The following TUBGCP5 variants were observed in gnomAD, a reference collection of about 807,000 sequenced individuals.
TUBGCP5 encodes tubulin gamma complex component 5.
In TUBGCP5, 98 loss-of-function variants were observed where a neutral mutation model predicts 134.7. That is an observed-to-expected ratio of 0.73 (90% CI 0.62 to 0.86). TUBGCP5 has a LOEUF of 0.86. Ranked by LOEUF, TUBGCP5 falls within the 40% of genes least tolerant of loss-of-function variation. The pLI, the probability that TUBGCP5 is intolerant of heterozygous loss-of-function variation, is 0.00. For synonymous variants in TUBGCP5, 456 were observed against 431.4 expected (o/e 1.06, Z -0.71); for missense variants, 1,150 against 1,244.8 (o/e 0.92, Z 1.15).
intron 1 of TUBGCP5, 107 bp downstream of exon 1, chr15:23,039,291 C>T: frequency 8.4e-7 from 1 of 1,191,470 alleles, no homozygotes; most frequent in Non-Finnish European, 1.1e-6. Flanking sequence ...CCGCGCCCGC[C>T]TCCGCCCCAT....
intron 3 of TUBGCP5, among the ~76,000 whole-genome samples, chr15:23,035,730 G>A (rs964093043): frequency 6.6e-6 from 1 of 152,056 alleles, no homozygotes; most frequent in African/African-American, 2.4e-5. Context: ...ACACATCCAA[G>A]ATGCCACACA....
At chr15:23,003,737 C>T in intron 20 of TUBGCP5, among the ~76,000 whole-genome samples, 1 of 148,094 alleles carries the variant, frequency 6.8e-6, no homozygotes, top group East Asian at 2.0e-4. Flanking sequence ...ACTGCAGCCT[C>T]AAACTCCTGG....
chr15:23,031,857 G>A, intron 5 of TUBGCP5, 93 bp downstream of exon 5: 2 of 871,746 alleles, frequency 2.3e-6, no homozygotes, highest in Middle Eastern at 2.3e-4. Context: ...TCCTGTTTTA[G>A]CTAAGTTGAC....
rs1434693740 is a variant in TUBGCP5 at position 23,037,914 on chromosome 15, G to A, written c.147-762C>T. Among the ~76,000 whole-genome samples the A allele has an allele frequency of 2.6e-5, 4 of 152,116 alleles. No homozygotes were observed. The East Asian group carries it at 7.7e-4, about 29-fold the overall frequency. On this transcript the variant is annotated intron_variant, in intron 1 of 22. Transcript: ENST00000615383. ...CAAGTAGCTGGGACTACAGGCGCCT[G>A]CCACCACGCCCGGCTAATTTTTTGT... is the stretch of plus-strand genomic sequence containing the variant.
At chr15:23,019,498 A>T in intron 11 of TUBGCP5, 164 bp from the exon 12 acceptor site, 1 of 597,384 alleles carries the variant, frequency 1.7e-6, no homozygotes, top group East Asian at 2.8e-5. Context: ...TAAAATCCTT[A>T]TGAAAAACTC....
chr15:23,026,147 T>C lies in TUBGCP5; in HGVS notation c.796A>G (p.Thr266Ala), dbSNP rs1341048385. ...LYVPDDRVLV[T>A]ETQVIRETLW... ...GTTTCCCGAATAACCTGAGTCTCAG[T>C]AACCAAAACCCTGTCATCTGGAACA... is the stretch of plus-strand genomic sequence containing the variant. Residue 266 changes from threonine to alanine, a missense_variant, in exon 8 of 23, where the codon ACT (threonine) becomes GCT (alanine). Physicochemically the swap from Thr to Ala is moderately conservative, Grantham distance 58. Coordinates refer to ENST00000615383, the MANE Select transcript of TUBGCP5 (RefSeq NM_052903.6). The C allele has an allele frequency of 1.2e-6, 2 of 1,610,526 alleles. No homozygotes were observed. The highest frequency in any genetic ancestry group is 1.7e-6 in the Non-Finnish European group (2 of 1,179,182).
At chr15:22,988,957 A>T (rs2063769065) in intron 23 of TUBGCP5, among the ~76,000 whole-genome samples, 1 of 151,744 alleles carries the variant, frequency 6.6e-6, no homozygotes, top group Admixed American at 6.6e-5. Flanking sequence ...GGCCACTCAC[A>T]TTCCCGGATC....
rs554814880 is a variant in TUBGCP5, at chr15:22,999,266, T to C, written c.*554A>G. On this transcript the variant is annotated 3_prime_UTR_variant, in exon 23 of 23. Transcript: ENST00000615383. ...TAAAGGTATCAGTACCATAAATCTG[T>C]ATCTTACAGTAGGAAATGTAAGAGT... The C allele has an allele frequency of 6.6e-6, 1 of 152,638 alleles. No homozygotes were observed. The highest frequency in any genetic ancestry group is 1.5e-5 in the Non-Finnish European group (1 of 68,216). The allele number at this position is 152,638 out of a possible 1,614,324, so 9.5% of individuals were successfully genotyped here.
intron 21 of TUBGCP5, 128 bp from the exon 22 acceptor site, chr15:23,000,797 T>C: frequency 1.4e-6 from 1 of 701,354 alleles, no homozygotes; most frequent in Non-Finnish European, 2.2e-6. Flanking sequence ...CTAAAGATTA[T>C]AAAATAAAAC....
At chr15:23,003,018 A>G (rs774696266) in intron 21 of TUBGCP5, 47 bp downstream of exon 21, 1 of 1,590,894 alleles carries the variant, frequency 6.3e-7, no homozygotes, top group East Asian at 2.2e-5. Flanking sequence ...AGGGAAGCTG[A>G]AGCTGAAATG....
intron 3 of TUBGCP5, 116 bp downstream of exon 3, chr15:23,036,781 G>A (rs930904780): frequency 2.3e-5 from 17 of 744,116 alleles, no homozygotes; most frequent in South Asian, 8.1e-5. Context: ...AAGAGATCCC[G>A]TTAGCCAGTA....
chr15:23,010,654 T>C (rs983699260), intron 14 of TUBGCP5, among the ~76,000 whole-genome samples: 4 of 151,930 alleles, frequency 2.6e-5, no homozygotes, highest in African/African-American at 9.7e-5. Context: ...ACACCTGAAG[T>C]AGGTGAGCAC....
intron 6 of TUBGCP5, among the ~76,000 whole-genome samples, chr15:23,027,617 A>G (rs73409387): frequency 0.046 from 6,952 of 151,764 alleles, 417 homozygotes; most frequent in African/African-American, 0.14. Flanking sequence ...TTAGCCAGGG[A>G]TGGTGGCATG....
At chr15:23,039,322 G>A (rs922775389) in intron 1 of TUBGCP5, 76 bp downstream of exon 1, 2 of 1,234,414 alleles carry the variant, frequency 1.6e-6, no homozygotes, top group Non-Finnish European at 2.0e-6. Flanking sequence ...AGCGCGCCCC[G>A]ACCCCGGGCT....
intron 7 of TUBGCP5, 50 bp downstream of exon 7, chr15:23,027,142 C>T: frequency 2.2e-6 from 3 of 1,369,278 alleles, no homozygotes; most frequent in Non-Finnish European, 3.0e-6. Flanking sequence ...AACGTTTAAA[C>T]ATCAAAGTTT....
intron 14 of TUBGCP5, among the ~76,000 whole-genome samples, chr15:23,010,755 G>T (rs1197064505): frequency 1.3e-5 from 2 of 152,098 alleles, no homozygotes; most frequent in African/African-American, 4.8e-5. Context: ...GAGGTGGGCA[G>T]ATCACCTGAG....
chr15:23,008,184 T>C (rs1314972465), intron 16 of TUBGCP5, among the ~76,000 whole-genome samples: 2 of 152,188 alleles, frequency 1.3e-5, no homozygotes, highest in Non-Finnish European at 2.9e-5. Flanking sequence ...ATTACTGGCA[T>C]GAGCCACTGC....
chr15:23,029,888 G>T (rs34698497), intron 6 of TUBGCP5, among the ~76,000 whole-genome samples: 1 of 149,224 alleles, frequency 6.7e-6, no homozygotes, highest in Non-Finnish European at 1.5e-5. Flanking sequence ...CTCAAAAAAA[G>T]GGGGTGGGGG....
At position 23,013,845 on chromosome 15, in the gene TUBGCP5, G is replaced by A. The variant is rs150779149; in HGVS notation, c.1757-2514C>T. On this transcript the variant is annotated intron_variant, in intron 13 of 22. Transcript: ENST00000615383. This position sits in a 1 kb window ranked among gnomAD's most constrained non-coding sequence, Gnocchi z 4.5. ...CAGACCAGAGCCACCTCTGGAGCAC[G>A]CCCTCCTCTGGGCCAGTAGCTGCTG... 1.3e-5 allele frequency among the ~76,000 whole-genome samples: 2 copies of A among 152,226 alleles called. No individual in the cohort carries two copies. The highest frequency in any genetic ancestry group is 4.8e-5 in the African/African-American group (2 of 41,540).
Sources: allele counts gnomAD v4.1 joint callset (sites outside exome capture counted in the v4.1 genomes callset), GRCh38; gene constraint gnomAD v4.1.1; non-coding constraint Gnocchi (gnomAD v3.1); transcripts MANE v1.5; gene names NCBI Gene and HGNC (gene_info 2026-07-23, HGNC 2026-07-21).